KL: variants seen among roughly 807,000 people sequenced by gnomAD.
KL encodes klotho.
In KL, 62 loss-of-function variants were observed where a neutral mutation model predicts 84.2. The ratio of observed to expected loss-of-function variants is 0.74; its 90% CI spans 0.60 to 0.91. The LOEUF is 0.91. KL is among the 40% of genes least tolerant of loss of function. The pLI, the probability that KL is intolerant of heterozygous loss-of-function variation, is 0.00. For synonymous variants in KL, 528 were observed against 528.0 expected (o/e 1.00, Z 0.00); for missense variants, 1,261 against 1,305.7 (o/e 0.97, Z 0.53).
At chr13:33,053,399 GT>G (rs539951475) in intron 1 of KL, among the ~76,000 whole-genome samples, 48 of 152,258 alleles carry the variant, frequency 3.2e-4, no homozygotes, top group Non-Finnish European at 7.4e-5. Context: ...TGTAGCATTG[GT>G]TCTTTTCATG....
intron 1 of KL, among the ~76,000 whole-genome samples, chr13:33,050,629 A>G (rs1469237998): frequency 1.3e-5 from 2 of 152,188 alleles, no homozygotes; most frequent in African/African-American, 4.8e-5. Flanking sequence ...GCAGCACAGT[A>G]TGGGGGTCCA....
At chr13:33,059,704 C>A (rs551843835) in intron 3 of KL, among the ~76,000 whole-genome samples, 1 of 152,210 alleles carries the variant, frequency 6.6e-6, no homozygotes, top group Non-Finnish European at 1.5e-5. Context: ...AACTCCTGAT[C>A]TCATGATCTG....
chr13:33,054,725 C>T (rs1242936060), intron 2 of KL, among the ~76,000 whole-genome samples: 5 of 152,120 alleles, frequency 3.3e-5, no homozygotes, highest in African/African-American at 1.2e-4. Context: ...TTGCATCAGA[C>T]ACAAAGCTGG....
chr13:33,060,669 C>G lies in KL; in HGVS notation c.1600-10C>G. 6.2e-7 allele frequency: 1 copy of G among 1,614,090 alleles called. No individual in the cohort carries two copies. Among genetic ancestry groups the G allele is most frequent in the Non-Finnish European group, 8.5e-7 (1 of 1,179,984 alleles). On this transcript the variant is annotated splice_polypyrimidine_tract_variant and intron_variant, in intron 3 of 4. Transcript: ENST00000380099. ...CCAGGTGACGCTAATGTTTACTCTG[C>G]CCTTCACAGGTAGATACCACTCTGT...
At chr13:33,047,241 C>T (rs1321629379) in intron 1 of KL, among the ~76,000 whole-genome samples, 1 of 152,020 alleles carries the variant, frequency 6.6e-6, no homozygotes, top group Non-Finnish European at 1.5e-5. Context: ...TAATGCTGTC[C>T]ATTTGCATAA....
At chr13:33,032,153 C>G (rs1870995657) in intron 1 of KL, among the ~76,000 whole-genome samples, 1 of 152,172 alleles carries the variant, frequency 6.6e-6, no homozygotes, top group Non-Finnish European at 1.5e-5. Context: ...CTGAAATGGA[C>G]AAGAATGTTA....
chr13:33,028,002 A>G (rs1156640217), intron 1 of KL, among the ~76,000 whole-genome samples: 1 of 152,194 alleles, frequency 6.6e-6, no homozygotes, highest in African/African-American at 2.4e-5. Context: ...AGGGAGAAGG[A>G]TGGGCTGGGA....
At chr13:33,055,398 A>G (rs1262261163) in intron 3 of KL, 83 bp downstream of exon 3, 3 of 1,573,186 alleles carry the variant, frequency 1.9e-6, no homozygotes, top group African/African-American at 1.3e-5. Flanking sequence ...GCTGATTGTC[A>G]TGGCACATTG....
At chr13:33,020,032 G>T (rs891763230) in intron 1 of KL, among the ~76,000 whole-genome samples, 4 of 152,128 alleles carry the variant, frequency 2.6e-5, no homozygotes, top group African/African-American at 7.2e-5. Context: ...GTTCTAAGAG[G>T]ATTAGAATCA....
intron 1 of KL, among the ~76,000 whole-genome samples, chr13:33,041,160 T>G (rs1299879332): frequency 3.3e-5 from 5 of 152,090 alleles, no homozygotes; most frequent in African/African-American, 1.2e-4. Context: ...GTTGTTTGAT[T>G]CCATTTACAT....
chr13:33,035,121 C>A (rs1871111106), intron 1 of KL, among the ~76,000 whole-genome samples: 1 of 152,196 alleles, frequency 6.6e-6, no homozygotes, highest in South Asian at 2.1e-4. Context: ...CGATGACTTT[C>A]CGCTATCCAC....
chr13:33,043,602 T>A (rs1871418428), intron 1 of KL, among the ~76,000 whole-genome samples: 1 of 152,176 alleles, frequency 6.6e-6, no homozygotes, highest in Non-Finnish European at 1.5e-5. Flanking sequence ...CTGATAGTGT[T>A]GATGTTGAGG....
chr13:33,049,548 G>A lies in KL; in HGVS notation c.820-4219G>A, dbSNP rs718833. On this transcript the variant is annotated intron_variant, in intron 1 of 4. Transcript: ENST00000380099. ...TCAAGGAATGCTTCCTGGAGGTGGC[G>A]ACATCTAAGCTGAGTTTTAAAGTGG... Among the ~76,000 whole-genome samples, 17 of 152,308 alleles carry A rather than the reference G, an allele frequency of 1.1e-4. No individual in the cohort carries two copies. The East Asian group carries it at 1.7e-3, about 16-fold the overall frequency.
intron 1 of KL, among the ~76,000 whole-genome samples, chr13:33,046,892 T>G (rs1871551083): frequency 6.6e-6 from 1 of 152,180 alleles, no homozygotes; most frequent in Non-Finnish European, 1.5e-5. Context: ...CCTTGTGATT[T>G]CTTCATTGAC....
At position 33,055,446 on chromosome 13, in the gene KL, A is replaced by G. The variant is rs1593808377; in HGVS notation, c.1599+131A>G. On this transcript the variant is annotated intron_variant, in intron 3 of 4. Transcript: ENST00000380099. ...GCCAAAAACAATTCCTTATGAGTAC[A>G]CTAAGGGCACAATTTGGAATGCTGC... is the stretch of plus-strand genomic sequence containing the variant. 9.2e-6 allele frequency: 10 copies of G among 1,086,740 alleles called. No individual in the cohort carries two copies. The East Asian group carries it at 2.0e-4, about 22-fold the overall frequency. The allele number at this position is 1,086,740 out of a possible 1,614,324, so 67.3% of individuals were successfully genotyped here. A position where few individuals can be genotyped will look rare whatever the true frequency, so the allele number is the denominator to read the frequency against.
At chr13:33,037,189 G>A (rs1312069388) in intron 1 of KL, among the ~76,000 whole-genome samples, 1 of 152,068 alleles carries the variant, frequency 6.6e-6, no homozygotes, top group Non-Finnish European at 1.5e-5. Flanking sequence ...ATACATCTAA[G>A]CTTGAGATTT....
At chr13:33,021,814 G>T (rs1870586879) in intron 1 of KL, among the ~76,000 whole-genome samples, 1 of 152,200 alleles carries the variant, frequency 6.6e-6, no homozygotes, top group African/African-American at 2.4e-5. Flanking sequence ...AACATGGGAG[G>T]CAGAGGTTGT....
chr13:33,053,210 T>G (rs1435810165), intron 1 of KL, among the ~76,000 whole-genome samples: 1 of 152,174 alleles, frequency 6.6e-6, no homozygotes, highest in Non-Finnish European at 1.5e-5. Context: ...TGGAGTGGGT[T>G]CTTTAATTTA....
In KL at chr13:33,064,187, T is replaced by C; in HGVS notation, c.*1T>C. Reference sequence around the variant, plus strand: ...GAAAGGCAGAAGAAGTTACAAATAGTTCTGAACATTTTTCTATTCATTCAT... The same window carrying C: ...GAAAGGCAGAAGAAGTTACAAATAGCTCTGAACATTTTTCTATTCATTCAT... On this transcript the variant is annotated 3_prime_UTR_variant, in exon 5 of 5. Coordinates refer to ENST00000380099, the MANE Select transcript of KL (RefSeq NM_004795.4). 1 of 1,583,690 alleles carries C rather than the reference T, an allele frequency of 6.3e-7. No homozygotes were observed. Among genetic ancestry groups the C allele is most frequent in the Non-Finnish European group, 8.7e-7 (1 of 1,153,738 alleles).
Sources: gnomAD v4.1 joint callset for allele counts (sites outside exome capture counted in the v4.1 genomes callset) on GRCh38, gnomAD v4.1.1 for gene constraint, MANE v1.5 for transcripts, NCBI Gene and HGNC (gene_info 2026-07-23, HGNC 2026-07-21) for gene names.